COL11A1: variants seen among roughly 807,000 people sequenced by gnomAD.
The protein encoded by COL11A1 is collagen alpha-1(XI) chain.
COL11A1 carries 74 observed loss-of-function variants against 265.2 expected under a neutral mutation model. The ratio of observed to expected loss-of-function variants is 0.28; its 90% confidence interval spans 0.23 to 0.34. The LOEUF (loss-of-function observed/expected upper bound fraction) is 0.34. COL11A1 is among the 10% of genes least tolerant of loss of function. The pLI is 1.00. For missense variants in COL11A1, 2,165 were observed against 2,263.6 expected, an observed-to-expected ratio of 0.96 and a Z score of 0.88; for synonymous variants, 816 against 727.6, an observed-to-expected ratio of 1.12 and a Z score of -1.96.
At chr1:103,015,145 T>C (rs1276885676) in intron 12 of COL11A1, among the ~76,000 whole-genome samples, 1 of 152,070 alleles carries the variant, frequency 6.6e-6, no homozygotes, top group Non-Finnish European at 1.5e-5. Context: ...AGGAGTCAAT[T>C]TTTCATTCTA....
intron 36 of COL11A1, among the ~76,000 whole-genome samples, chr1:102,974,111 T>G (rs1480562016): frequency 6.6e-6 from 1 of 152,072 alleles, no homozygotes; most frequent in Non-Finnish European, 1.5e-5. Context: ...GGACTACATT[T>G]GAGAACCACT....
intron 41 of COL11A1, among the ~76,000 whole-genome samples, chr1:102,949,478 C>T (rs1363463593): frequency 6.7e-6 from 1 of 150,162 alleles, no homozygotes; most frequent in Admixed American, 6.6e-5. Flanking sequence ...GAAGATATCA[C>T]ACTAGGCTAT....
chr1:102,885,807 A>T (rs770967132), intron 63 of COL11A1, among the ~76,000 whole-genome samples: 1 of 152,144 alleles, frequency 6.6e-6, no homozygotes, highest in Non-Finnish European at 1.5e-5. Context: ...CACTAAACTA[A>T]ATGTATATTT....
At chr1:102,931,685 C>T (rs1338896722) in intron 46 of COL11A1, among the ~76,000 whole-genome samples, 1 of 151,856 alleles carries the variant, frequency 6.6e-6, no homozygotes, top group African/African-American at 2.4e-5. Flanking sequence ...CTAATGTTGA[C>T]AGTGGGGTGT....
intron 4 of COL11A1, among the ~76,000 whole-genome samples, chr1:103,042,674 T>C (rs776602179): frequency 2.6e-5 from 4 of 152,022 alleles, no homozygotes; most frequent in Non-Finnish European, 5.9e-5. Flanking sequence ...TTGACACTGC[T>C]AGAAAGTACT....
intron 1 of COL11A1, among the ~76,000 whole-genome samples, chr1:103,097,656 T>C (rs984630760): frequency 3.3e-5 from 5 of 152,108 alleles, no homozygotes; most frequent in Middle Eastern, 3.4e-3. Flanking sequence ...CAACTACCTT[T>C]AGCATATAAT....
intron 35 of COL11A1, among the ~76,000 whole-genome samples, chr1:102,975,160 A>G (rs986596304): frequency 6.6e-6 from 1 of 152,138 alleles, no homozygotes; most frequent in Non-Finnish European, 1.5e-5. Flanking sequence ...AGTGAATAGA[A>G]CATGTAAGTA....
intron 4 of COL11A1, among the ~76,000 whole-genome samples, chr1:103,073,028 T>G (rs1671706199): frequency 6.6e-6 from 1 of 151,812 alleles, no homozygotes; most frequent in African/African-American, 2.4e-5. Context: ...ATTTAAAACT[T>G]CATAGGGTTT....
chr1:103,004,526 G>T, intron 19 of COL11A1, 38 bp from the exon 20 acceptor site: 1 of 1,594,998 alleles, frequency 6.3e-7, no homozygotes, highest in Non-Finnish European at 8.6e-7. Flanking sequence ...TAGAACATTT[G>T]GACAATGTAT....
intron 53 of COL11A1, among the ~76,000 whole-genome samples, chr1:102,912,550 T>C (rs1261459479): frequency 6.6e-6 from 1 of 152,252 alleles, no homozygotes; most frequent in Non-Finnish European, 1.5e-5. Context: ...ATTCTGCTCA[T>C]ATCACATAAA....
In COL11A1 at chr1:103,078,764, C is replaced by T. The variant is rs768583987; in HGVS notation, c.382G>A (p.Gly128Ser). 1 of 1,613,230 alleles carries T rather than the reference C, an allele frequency of 6.2e-7. No individual in the cohort carries two copies. Among genetic ancestry groups the T allele is most frequent in the Non-Finnish European group, 8.5e-7 (1 of 1,179,500 alleles). The change falls in exon 3 of 67, where the codon GGT (glycine) becomes AGT (serine). Residue 128 changes from glycine (G) to serine (S), a missense_variant. Coordinates refer to ENST00000370096, the MANE Select transcript of COL11A1 (RefSeq NM_001854.4). ...IYNEHGIQQI[G>S]VEVGRSPVFL... is the part of the protein sequence containing the mutation. ...ACAGGTGATCTCCCAACCTCAACAC[C>T]AATTTGCTGAATACCATGCTCATTA...
chr1:103,012,224 C>T (rs1441765133), intron 14 of COL11A1, among the ~76,000 whole-genome samples, 189 bp downstream of exon 14: 2 of 151,980 alleles, frequency 1.3e-5, no homozygotes, highest in Non-Finnish European at 1.5e-5. Flanking sequence ...AAATTTTTTA[C>T]TGAGACCTTT....
At chr1:102,958,268 A>T (rs1660560095) in intron 41 of COL11A1, among the ~76,000 whole-genome samples, 1 of 151,902 alleles carries the variant, frequency 6.6e-6, no homozygotes, top group African/African-American at 2.4e-5. Flanking sequence ...TTTTCTATTA[A>T]CATTGCAAAG....
At chr1:102,880,064 C>A in intron 65 of COL11A1, 148 bp from the exon 66 acceptor site, 1 of 627,906 alleles carries the variant, frequency 1.6e-6, no homozygotes, top group Non-Finnish European at 2.8e-6. Flanking sequence ...AAAAAGTGTA[C>A]ATTGAGGGTC....
Position 103,031,254 on chromosome 1 carries a change from A to AAAC in COL11A1, c.652-11_652-10insGTT, listed in dbSNP as rs776283234. On this transcript the variant is annotated splice_polypyrimidine_tract_variant and intron_variant, in intron 4 of 66. Transcript: ENST00000370096. ...ACTGCTGAATGTCCCCCTGGGAAAAAAAAAAAAACAAAAACAAACAGACAC... is the reference window on the plus strand; with the variant it reads ...ACTGCTGAATGTCCCCCTGGGAAAAAAACAAAAAAAACAAAAACAAACAGACAC... 34 of 1,600,264 alleles carry AAAC rather than the reference A, an allele frequency of 2.1e-5. No individual in the cohort carries two copies. The African/African-American group carries it at 3.9e-4, about 18-fold the overall frequency.
intron 59 of COL11A1, 26 bp from the exon 60 acceptor site, chr1:102,888,945 A>C: frequency 6.3e-7 from 1 of 1,596,250 alleles, no homozygotes; most frequent in Non-Finnish European, 8.6e-7. Context: ...GCCAATTTAA[A>C]GGGATTTTCT....
In COL11A1 at chr1:102,918,196, C is replaced by T. The variant is rs1030542862; in HGVS notation, c.3762+2115G>A. On this transcript the variant is annotated intron_variant, in intron 49 of 66. Transcript: ENST00000370096. ...AGATTATGAAGTCTTCATCACTTAT[C>T]GTGTAACTATTTACCTCATTATATA... is the stretch of plus-strand genomic sequence containing the variant. Among the ~76,000 whole-genome samples the T allele has an allele frequency of 3.4e-4, 52 of 151,690 alleles. 1 individual carries two copies. Among genetic ancestry groups the T allele is most frequent in the African/African-American group, 1.2e-3 (49 of 41,524 alleles).
intron 54 of COL11A1, among the ~76,000 whole-genome samples, chr1:102,906,424 T>C (rs541159351): frequency 6.6e-6 from 1 of 152,272 alleles, no homozygotes; most frequent in African/African-American, 2.4e-5. Flanking sequence ...TTTTGTTTTC[T>C]TGAGAGAGGG....
intron 62 of COL11A1, 74 bp from the exon 63 acceptor site, chr1:102,887,130 A>G: frequency 3.8e-6 from 6 of 1,586,726 alleles, no homozygotes; most frequent in Non-Finnish European, 5.2e-6. Context: ...ATTACTGGTT[A>G]TGTTTTTGTT....
Sources: allele counts gnomAD v4.1 joint callset (sites outside exome capture counted in the v4.1 genomes callset), GRCh38; gene constraint gnomAD v4.1.1; transcripts MANE v1.5; gene names NCBI Gene and HGNC (gene_info 2026-07-23, HGNC 2026-07-21).